FOXM1: variants seen among roughly 807,000 people sequenced by gnomAD.
The protein encoded by FOXM1 is forkhead box M1.
In FOXM1, 25 loss-of-function variants were observed where a neutral mutation model predicts 63.6. The ratio of observed to expected loss-of-function variants is 0.39; its 90% CI spans 0.29 to 0.55. The LOEUF is 0.55. Ranked by LOEUF, FOXM1 falls within the 20% of genes least tolerant of loss-of-function variation. The pLI is 0.60. For missense variants in FOXM1, 879 were observed against 958.7 expected (o/e 0.92, Z 1.10); for synonymous variants, 387 against 376.9 (o/e 1.03, Z -0.31).
chr12:2,859,370 A>G lies in FOXM1; in HGVS notation c.1560T>C (p.Leu520=), dbSNP rs374856751. The change falls in exon 9 of 9, where the codon CTT becomes CTC. Residue 520 remains leucine, a synonymous_variant. Transcript: ENST00000359843. ...TPRPKKSYSG[L]RSPTRCVSEM... ...CCGAGACACACCGGGTTGGGGACCT[A>G]AGCCCACTGTAGGACTTCTTGGGTC... The G allele has an allele frequency of 6.8e-6, 11 of 1,613,692 alleles. No homozygotes were observed. Among genetic ancestry groups the G allele is most frequent in the Non-Finnish European group, 9.3e-6 (11 of 1,179,998 alleles).
chr12:2,864,518 A>G lies in FOXM1; in HGVS notation c.1091-23T>C, dbSNP rs755231812. 1 of 1,605,326 alleles carries G rather than the reference A, an allele frequency of 6.2e-7. No individual in the cohort carries two copies. Among genetic ancestry groups the G allele is most frequent in the Non-Finnish European group, 8.5e-7 (1 of 1,173,460 alleles). On this transcript the variant is annotated intron_variant, in intron 7 of 8. Transcript: ENST00000359843. The surrounding 1 kb of genome is among the most constrained non-coding windows in gnomAD (Gnocchi z 5.1). ...GCCCTAGGAGGAAACACGAGAGATCAGGAGCAGGGGGACTGGAGTACACCC... is the reference window on the plus strand; with the variant it reads ...GCCCTAGGAGGAAACACGAGAGATCGGGAGCAGGGGGACTGGAGTACACCC...
chr12:2,870,257 TGA>T (rs1305145135), intron 3 of FOXM1, among the ~76,000 whole-genome samples: 2 of 152,196 alleles, frequency 1.3e-5, no homozygotes, highest in Admixed American at 1.3e-4. Flanking sequence ...ATTACAAGCA[TGA>T]GTTATCGCGC....
chr12:2,864,643 G>A lies in FOXM1; in HGVS notation c.1090+40C>T, dbSNP rs2098119837. 1.2e-6 allele frequency: 2 copies of A among 1,608,078 alleles called. No homozygotes were observed. Among genetic ancestry groups the A allele is most frequent in the Non-Finnish European group, 1.7e-6 (2 of 1,174,700 alleles). On this transcript the variant is annotated intron_variant, in intron 7 of 8. Coordinates refer to ENST00000359843, the MANE Select transcript of FOXM1 (RefSeq NM_021953.4). This position sits in a 1 kb window ranked among gnomAD's most constrained non-coding sequence, Gnocchi z 5.1. ...CTGGTTCCCTAAAGATATGGCCCCA[G>A]AACAAGGACCAGGCCCAAGGCCCAC...
chr12:2,860,024 C>G (rs1291302988), intron 8 of FOXM1, among the ~76,000 whole-genome samples: 2 of 151,870 alleles, frequency 1.3e-5, no homozygotes, highest in Non-Finnish European at 2.9e-5. Context: ...CTAAATTTGA[C>G]TGGCTTTAAA....
At position 2,858,666 on chromosome 12, in the gene FOXM1, C is replaced by T; in HGVS notation, c.2264G>A (p.Trp755Ter). 4.3e-6 allele frequency: 7 copies of T among 1,614,064 alleles called. No individual in the cohort carries two copies. Among genetic ancestry groups the T allele is most frequent in the Non-Finnish European group, 5.1e-6 (6 of 1,179,980 alleles). Reference protein sequence around the residue: ...EDPLGPDNINWSQFIPELQ With the variant: ...EDPLGPDNIN ...CTGTAGCTCAGGAATAAACTGGGAC[C>T]AGTTGATGTTGTCAGGGCCCAGTGG... The change falls in exon 9 of 9, where the codon TGG becomes TAG. Residue 755 changes from tryptophan to a stop codon, truncating the protein, a stop_gained. Coordinates refer to ENST00000359843, the MANE Select transcript of FOXM1 (RefSeq NM_021953.4). LOFTEE classifies it high-confidence loss of function.
At chr12:2,869,479 A>G (rs1200980420) in intron 3 of FOXM1, among the ~76,000 whole-genome samples, 2 of 142,460 alleles carry the variant, frequency 1.4e-5, no homozygotes, top group South Asian at 2.2e-4. Flanking sequence ...CTTGTTGCCC[A>G]GGCTGGAGTA....
chr12:2,862,445 G>A, intron 8 of FOXM1, among the ~76,000 whole-genome samples: 1 of 152,060 alleles, frequency 6.6e-6, no homozygotes, highest in Non-Finnish European at 1.5e-5. Flanking sequence ...ACCCAAACAG[G>A]GCACATGCTA....
At chr12:2,859,832 T>C in intron 8 of FOXM1, 169 bp from the exon 9 acceptor site, 8 of 602,922 alleles carry the variant, frequency 1.3e-5, no homozygotes. Flanking sequence ...GGGTAAAAGA[T>C]GCGGGTATGT....
At position 2,859,645 on chromosome 12, in the gene FOXM1, C is replaced by T; in HGVS notation, c.1285G>A (p.Gly429Arg). 1 of 1,608,628 alleles carries T rather than the reference C, an allele frequency of 6.2e-7. No homozygotes were observed. The highest frequency in any genetic ancestry group is 8.5e-7 in the Non-Finnish European group (1 of 1,178,380). The change falls in exon 9 of 9, where the codon GGG (glycine) becomes AGG (arginine). Residue 429 changes from glycine to arginine, a missense_variant. Around this residue, in one of 4 missense-constraint regions of FOXM1, gnomAD observed 486 missense variants for 453.5 expected, o/e 1.07. Transcript: ENST00000359843. ...IAPKVLLAEE[G>R]IAPLSSAGPG... ...CCTGCAGAAGAAAGAGGAGCTATCC[C>T]CTCCTCAGCTAGCAGCACCTGAAAG... is the stretch of plus-strand genomic sequence containing the variant.
In FOXM1 at chr12:2,864,564, T is replaced by C; in HGVS notation, c.1091-69A>G. The C allele has an allele frequency of 6.3e-7, 1 of 1,584,712 alleles. No homozygotes were observed. The highest frequency in any genetic ancestry group is 1.1e-5 in the South Asian group (1 of 90,250). On this transcript the variant is annotated intron_variant, in intron 7 of 8. Transcript: ENST00000359843. The surrounding 1 kb of genome is among the most constrained non-coding windows in gnomAD (Gnocchi z 5.1). Reference sequence around the variant, plus strand: ...CACCCCTTCTCAGCCCCAGGAGCTTTGCTCTCCTTCTCTGGGCTCAGATCC... The same window carrying C: ...CACCCCTTCTCAGCCCCAGGAGCTTCGCTCTCCTTCTCTGGGCTCAGATCC...
rs777403499 is a variant in FOXM1, at chr12:2,858,710, A to G, written c.2220T>C (p.Phe740=). 2 of 1,614,196 alleles carry G rather than the reference A, an allele frequency of 1.2e-6. No homozygotes were observed. The highest frequency in any genetic ancestry group is 3.3e-5 in the Admixed American group (2 of 60,024). The change falls in exon 9 of 9, where the codon TTT becomes TTC. Residue 740 remains phenylalanine (F), a synonymous_variant. Coordinates refer to ENST00000359843, the MANE Select transcript of FOXM1 (RefSeq NM_021953.4). ...SLSKILLDIS[F]PGLDEDPLGP... ...CCAGTGGGTCCTCGTCCAGGCCAGG[A>G]AAGCTGATGTCCAGCAGGATCTTGC...
At chr12:2,867,961 C>G (rs1416550311) in intron 4 of FOXM1, among the ~76,000 whole-genome samples, 1 of 130,522 alleles carries the variant, frequency 7.7e-6, no homozygotes, top group Admixed American at 9.3e-5. Context: ...GCCTGGGTGA[C>G]AGAGCGAGAC....
chr12:2,867,882 G>C (rs962312564), intron 4 of FOXM1, among the ~76,000 whole-genome samples: 1 of 151,260 alleles, frequency 6.6e-6, no homozygotes, highest in Admixed American at 6.6e-5. Context: ...GGAGGCTGAG[G>C]CAGGAGAATC....
intron 3 of FOXM1, among the ~76,000 whole-genome samples, chr12:2,870,956 T>G (rs1412946093): frequency 6.9e-5 from 3 of 43,282 alleles, no homozygotes; most frequent in Non-Finnish European, 1.2e-4. Context: ...AGACTACGTC[T>G]CAAAAAAAAA....
chr12:2,862,043 G>A (rs1243823439), intron 8 of FOXM1, among the ~76,000 whole-genome samples: 1 of 152,136 alleles, frequency 6.6e-6, no homozygotes, highest in Non-Finnish European at 1.5e-5. Context: ...GCTGGGCGTG[G>A]TGACGTGCGC....
rs974411317 is a variant in FOXM1 at position 2,872,012 on chromosome 12, C to T, written c.654+84G>A. On this transcript the variant is annotated intron_variant, in intron 3 of 8. Transcript: ENST00000359843. This position sits in a 1 kb window ranked among gnomAD's most constrained non-coding sequence, Gnocchi z 4.0. Reference sequence around the variant, plus strand: ...AATACCAGAACTTGGAAATTCTGGTCCATCAGGCCACTTGATCCATTTCCC... The same window carrying T: ...AATACCAGAACTTGGAAATTCTGGTTCATCAGGCCACTTGATCCATTTCCC... 6 of 1,421,184 alleles carry T rather than the reference C, an allele frequency of 4.2e-6. No individual in the cohort carries two copies. The Admixed American group carries it at 6.8e-5, about 16-fold the overall frequency. The allele number at this position is 1,421,184 out of a possible 1,614,324, so 88.0% of individuals were successfully genotyped here.
At chr12:2,862,087 G>T (rs948771166) in intron 8 of FOXM1, among the ~76,000 whole-genome samples, 1 of 151,784 alleles carries the variant, frequency 6.6e-6, no homozygotes, top group Non-Finnish European at 1.5e-5. Flanking sequence ...GCCGAGGCAG[G>T]AGAATCGCTT....
In FOXM1 at chr12:2,862,416, G is replaced by GGA. The variant is rs1555100818; in HGVS notation, c.1266+1903_1266+1904insTC. Among the ~76,000 whole-genome samples the GGA allele has an allele frequency of 7.9e-3, 1,193 of 151,946 alleles. 18 individuals carry two copies. Among genetic ancestry groups the GGA allele is most frequent in the African/African-American group, 0.027 (1,139 of 41,420 alleles). ...AGAGGGAGCCAAAAAGGAAAGGGGA[G>GGA]AAAACCCACTGCATGAAAACCCAAA... On this transcript the variant is annotated intron_variant, in intron 8 of 8. Transcript: ENST00000359843.
chr12:2,858,711 A>G lies in FOXM1; in HGVS notation c.2219T>C (p.Phe740Ser), dbSNP rs748874141. 1 of 1,614,192 alleles carries G rather than the reference A, an allele frequency of 6.2e-7. No individual in the cohort carries two copies. Among genetic ancestry groups the G allele is most frequent in the South Asian group, 1.1e-5 (1 of 91,084 alleles). The change falls in exon 9 of 9, where the codon TTT (phenylalanine) becomes TCT (serine). Residue 740 changes from phenylalanine (F) to serine (S), a missense_variant. Physicochemically the swap from Phe to Ser is radical, Grantham distance 155 (BLOSUM62 -2). Coordinates refer to ENST00000359843, the MANE Select transcript of FOXM1 (RefSeq NM_021953.4). ...CAGTGGGTCCTCGTCCAGGCCAGGA[A>G]AGCTGATGTCCAGCAGGATCTTGCT... ...SLSKILLDIS[F>S]PGLDEDPLGP...
Sources: allele counts gnomAD v4.1 joint callset (sites outside exome capture counted in the v4.1 genomes callset), GRCh38; gene constraint gnomAD v4.1.1; regional missense constraint gnomAD v4.1.1; non-coding constraint Gnocchi (gnomAD v3.1); transcripts MANE v1.5; gene names NCBI Gene and HGNC (gene_info 2026-07-23, HGNC 2026-07-21).